The following NAE1 variants were observed in gnomAD, a reference collection of about 807,000 sequenced individuals.
NAE1 encodes NEDD8 activating enzyme E1 subunit 1.
Under a neutral mutation model 88.0 loss-of-function variants are expected in NAE1, and 59 were observed. The ratio of observed to expected loss-of-function variants is 0.67; its 90% CI spans 0.54 to 0.83. NAE1 has a LOEUF of 0.83. Among genes scored for constraint, NAE1 ranks in the 40% least tolerant of loss-of-function variants. NAE1 has a pLI of 0.00. For missense variants in NAE1, 554 were observed against 632.8 expected, an observed-to-expected ratio of 0.88 and a Z score of 1.34; for synonymous variants, 186 against 208.9, an observed-to-expected ratio of 0.89 and a Z score of 0.95.
In NAE1 at chr16:66,826,602, T is replaced by C; in HGVS notation, c.158-19A>G. The C allele has an allele frequency of 6.2e-7, 1 of 1,613,928 alleles. No individual in the cohort carries two copies. The highest frequency in any genetic ancestry group is 8.5e-7 in the Non-Finnish European group (1 of 1,179,958). On this transcript the variant is annotated intron_variant, in intron 2 of 19. Coordinates refer to ENST00000290810, the MANE Select transcript of NAE1 (RefSeq NM_003905.4). ...CCAATACCTGAGAGCCAAAACAGAG[T>C]CAGTCAGGAATACATAGTTCTAGGT... is the stretch of plus-strand genomic sequence containing the variant.
chr16:66,818,674 C>T (rs1251955539), intron 7 of NAE1, 37 bp from the exon 8 acceptor site: 6 of 1,549,552 alleles, frequency 3.9e-6, no homozygotes, highest in African/African-American at 1.4e-5. Flanking sequence ...AAATTTAACA[C>T]TTAAAAAAAA....
At chr16:66,810,445 G>A (rs751452750) in intron 14 of NAE1, 32 bp from the exon 15 acceptor site, 28 of 1,568,956 alleles carry the variant, frequency 1.8e-5, no homozygotes, top group African/African-American at 2.7e-5. Context: ...TTCTGTTCCA[G>A]TTTAAAAGAG....
At chr16:66,822,434 G>A (rs987429869) in intron 6 of NAE1, among the ~76,000 whole-genome samples, 2 of 151,856 alleles carry the variant, frequency 1.3e-5, no homozygotes, top group African/African-American at 4.8e-5. Flanking sequence ...AGCCGGGCAC[G>A]GTGGCACATG....
chr16:66,826,992 T>C (rs1960487377), intron 1 of NAE1, among the ~76,000 whole-genome samples: 1 of 151,946 alleles, frequency 6.6e-6, no homozygotes, highest in South Asian at 2.1e-4. Flanking sequence ...AGGGAGAGGG[T>C]CAAATTAGAA....
chr16:66,812,460 T>C (rs946243306), intron 13 of NAE1, among the ~76,000 whole-genome samples: 1 of 152,016 alleles, frequency 6.6e-6, no homozygotes, highest in Admixed American at 6.6e-5. Context: ...GTGGTAATTC[T>C]GTATTTCCCA....
At chr16:66,817,944 T>C (rs1960112180) in intron 8 of NAE1, among the ~76,000 whole-genome samples, 2 of 152,282 alleles carry the variant, frequency 1.3e-5, no homozygotes, top group Admixed American at 6.5e-5. Context: ...TTTATTTCTG[T>C]TTTTTGTTTT....
intron 1 of NAE1, chr16:66,827,878 G>T: frequency 3.1e-6 from 3 of 976,050 alleles, no homozygotes; most frequent in South Asian, 1.4e-5. Context: ...TTGATACAGG[G>T]TCTTACTATG....
chr16:66,819,886 G>A (rs1459522650), intron 7 of NAE1, among the ~76,000 whole-genome samples: 1 of 152,036 alleles, frequency 6.6e-6, no homozygotes, highest in Non-Finnish European at 1.5e-5. Context: ...CCCTAAATTA[G>A]GAAAAAGAAC....
rs74569292 is a variant in NAE1 at position 66,806,811 on chromosome 16, G to T, written c.1331-785C>A. On this transcript the variant is annotated intron_variant, in intron 17 of 19. Coordinates refer to ENST00000290810, the MANE Select transcript of NAE1 (RefSeq NM_003905.4). Reference sequence around the variant, plus strand: ...GATTGAATCCTCAAAACAGTCCTATGAAGTATGTATAGTTATCTCCATTTA... The same window carrying T: ...GATTGAATCCTCAAAACAGTCCTATTAAGTATGTATAGTTATCTCCATTTA... 7.6e-3 allele frequency among the ~76,000 whole-genome samples: 1,152 copies of T among 152,262 alleles called. 64 individuals carry two copies. The East Asian group carries it at 0.15, about 20-fold the overall frequency.
chr16:66,803,726 G>C (rs1959447429), intron 19 of NAE1, among the ~76,000 whole-genome samples: 1 of 151,998 alleles, frequency 6.6e-6, no homozygotes, highest in South Asian at 2.1e-4. Context: ...AAGTAGCTGG[G>C]ATTACAGATG....
Position 66,818,588 on chromosome 16 carries a change from C to T in NAE1, c.561G>A (p.Lys187=), listed in dbSNP as rs575024841. 5.0e-6 allele frequency: 8 copies of T among 1,612,910 alleles called. No homozygotes were observed. The highest frequency in any genetic ancestry group is 1.3e-5 in the African/African-American group (1 of 74,838). Residue 187 remains lysine, a synonymous_variant, in exon 8 of 20, where the codon AAG becomes AAA. Transcript: ENST00000290810. ...DNALEDLRLD[K]PFPELREHFQ... ...AATGTTCTCTCAGTTCAGGAAATGG[C>T]TTATCTAGTCGTAGATCCTCTAATG...
Position 66,803,018 on chromosome 16 carries a change from GA to G in NAE1, c.1595del (p.Phe532SerfsTer11). The part of the protein sequence containing the change: ...YSGMSQTSAT[F>X]QL Reference sequence around the variant, plus strand: ...AAGGTGCTTGCTTACTCTACAACTGGAAAGTTGCTGAAGTTTGTGACATGCC... The same window carrying G: ...AAGGTGCTTGCTTACTCTACAACTGGAAGTTGCTGAAGTTTGTGACATGCC... On this transcript the variant is annotated frameshift_variant, in exon 20 of 20. Coordinates refer to ENST00000290810, the MANE Select transcript of NAE1 (RefSeq NM_003905.4). LOFTEE classifies it high-confidence loss of function. 1 of 1,594,966 alleles carries G rather than the reference GA, an allele frequency of 6.3e-7. No individual in the cohort carries two copies. Among genetic ancestry groups the G allele is most frequent in the Non-Finnish European group, 8.6e-7 (1 of 1,162,916 alleles).
chr16:66,815,558 C>T (rs993439065), intron 11 of NAE1, among the ~76,000 whole-genome samples: 5 of 152,050 alleles, frequency 3.3e-5, no homozygotes, highest in African/African-American at 7.2e-5. Context: ...GATCTCCCTA[C>T]GTTGTCCAGG....
At chr16:66,813,352 G>A (rs944857996) in intron 13 of NAE1, 4 of 520,606 alleles carry the variant, frequency 7.7e-6, no homozygotes, top group Admixed American at 3.6e-5. Context: ...TGTTGCCCAC[G>A]ATGGTCTCAA....
chr16:66,828,097 C>G, intron 1 of NAE1: 1 of 1,575,386 alleles, frequency 6.3e-7, no homozygotes, highest in Non-Finnish European at 8.7e-7. Flanking sequence ...CCAGATGGAC[C>G]GTAAACGCCT....
chr16:66,817,466 T>C lies in NAE1; in HGVS notation c.643A>G (p.Ile215Val). 6.3e-7 allele frequency: 1 copy of C among 1,598,838 alleles called. No individual in the cohort carries two copies. The highest frequency in any genetic ancestry group is 2.3e-5 in the East Asian group (1 of 44,444). ...EKKDHSHTPW[I>V]VIIAKYLAQW... ...GCTAAATATTTAGCTATGATCACAA[T>C]CCATGGAGTATGACTGTGGTCCTAA... The change falls in exon 9 of 20, where the codon ATT becomes GTT. Residue 215 changes from isoleucine to valine, a missense_variant. Transcript: ENST00000290810.
intron 14 of NAE1, 67 bp from the exon 15 acceptor site, chr16:66,810,480 A>C: frequency 7.1e-7 from 1 of 1,415,618 alleles, no homozygotes. Context: ...GTGCGGCACA[A>C]AGCCAATCAC....
At chr16:66,817,889 CTATT>C (rs1960109865) in intron 8 of NAE1, among the ~76,000 whole-genome samples, 1 of 151,942 alleles carries the variant, frequency 6.6e-6, no homozygotes, top group South Asian at 2.1e-4. Context: ...GTCATTATTT[CTATT>C]TGTTTAGAAA....
At chr16:66,818,221 A>G (rs1322404460) in intron 8 of NAE1, among the ~76,000 whole-genome samples, 1 of 152,012 alleles carries the variant, frequency 6.6e-6, no homozygotes, top group Non-Finnish European at 1.5e-5. Flanking sequence ...TATTCTTTCT[A>G]ATTTTTTTTT....
Sources: gnomAD v4.1 joint callset for allele counts (sites outside exome capture counted in the v4.1 genomes callset) on GRCh38, gnomAD v4.1.1 for gene constraint, MANE v1.5 for transcripts, NCBI Gene and HGNC (gene_info 2026-07-23, HGNC 2026-07-21) for gene names.